CSMD1: variants seen among roughly 807,000 people sequenced by gnomAD.
The protein encoded by CSMD1 is CUB and sushi domain-containing protein 1.
CSMD1 carries 213 observed loss-of-function variants against 417.5 expected under a neutral mutation model. The ratio of observed to expected loss-of-function variants is 0.51; its 90% CI spans 0.46 to 0.57. The LOEUF (loss-of-function observed/expected upper bound fraction) is 0.57. Ranked by LOEUF, CSMD1 falls within the 20% of genes least tolerant of loss-of-function variation. The pLI is 0.00. For missense variants in CSMD1, 6,923 were observed against 4,529.7 expected, an observed-to-expected ratio of 1.53 and a Z score of -15.17; for synonymous variants, 2,862 against 1,736.8, an observed-to-expected ratio of 1.65 and a Z score of -16.11.
At chr8:4,567,612 T>G (rs1323156286) in intron 2 of CSMD1, among the ~76,000 whole-genome samples, 1 of 152,176 alleles carries the variant, frequency 6.6e-6, no homozygotes. Flanking sequence ...GAGTGCTCTG[T>G]GCAATTATTA....
chr8:4,054,144 G>C (rs1798573613), intron 3 of CSMD1, among the ~76,000 whole-genome samples: 2 of 152,108 alleles, frequency 1.3e-5, no homozygotes, highest in African/African-American at 4.8e-5. Flanking sequence ...TTCTATGTAA[G>C]TACAGAACTC....
chr8:3,937,611 A>G (rs564974133), intron 5 of CSMD1, among the ~76,000 whole-genome samples: 2 of 152,152 alleles, frequency 1.3e-5, no homozygotes, highest in Non-Finnish European at 2.9e-5. Flanking sequence ...GGAACCCACA[A>G]TATCATGTCA....
At chr8:3,372,896 G>A (rs183163936) in intron 18 of CSMD1, among the ~76,000 whole-genome samples, 15 of 152,294 alleles carry the variant, frequency 9.8e-5, no homozygotes, top group African/African-American at 2.2e-4. Context: ...CCAGCGCACC[G>A]CGTAGTGGGA....
intron 42 of CSMD1, among the ~76,000 whole-genome samples, chr8:3,114,906 T>C (rs1816766601): frequency 6.6e-6 from 1 of 152,172 alleles, no homozygotes; most frequent in South Asian, 2.1e-4. Flanking sequence ...AACATACCTA[T>C]CACAACATAT....
intron 3 of CSMD1, among the ~76,000 whole-genome samples, chr8:4,326,339 C>G (rs1799561597): frequency 6.6e-6 from 1 of 152,164 alleles, no homozygotes; most frequent in African/African-American, 2.4e-5. Context: ...CTTGCGATTT[C>G]AGACATGGGG....
At chr8:3,670,530 T>A (rs1367615347) in intron 7 of CSMD1, among the ~76,000 whole-genome samples, 1 of 99,042 alleles carries the variant, frequency 1.0e-5, no homozygotes, top group Non-Finnish European at 2.6e-5. Flanking sequence ...TATATACATA[T>A]ATCCCATATA....
chr8:4,429,022 A>T (rs76279144), intron 2 of CSMD1, among the ~76,000 whole-genome samples: 1 of 152,062 alleles, frequency 6.6e-6, no homozygotes, highest in East Asian at 1.9e-4. Context: ...GCCTTATCTT[A>T]GGTATTTTTT....
In CSMD1 at chr8:4,531,340, C is replaced by G. The variant is rs145809335; in HGVS notation, c.302+106002G>C. 3.1e-3 allele frequency among the ~76,000 whole-genome samples: 473 copies of G among 152,296 alleles called. 5 individuals are homozygous for G. Among genetic ancestry groups the G allele is most frequent in the African/African-American group, 0.011 (450 of 41,556 alleles). ...ATTCAGGTCATTTAATCATAAGCTT[C>G]AAGAACAGAGTCTATAATTTGTATC... On this transcript the variant is annotated intron_variant, in intron 2 of 69. Transcript: ENST00000635120.
chr8:3,108,005 G>A (rs1485529660), intron 44 of CSMD1, among the ~76,000 whole-genome samples: 1 of 151,896 alleles, frequency 6.6e-6, no homozygotes, highest in Non-Finnish European at 1.5e-5. Context: ...AAAGCCCAAG[G>A]AAAAAAGTGT....
intron 3 of CSMD1, among the ~76,000 whole-genome samples, chr8:4,256,255 A>G (rs766000464): frequency 2.2e-4 from 34 of 152,178 alleles, no homozygotes; most frequent in Admixed American, 4.6e-4. Flanking sequence ...CTCTGCTTTG[A>G]GTCCCTTAAC....
At chr8:4,023,403 C>G (rs1472498864) in intron 4 of CSMD1, among the ~76,000 whole-genome samples, 1 of 152,108 alleles carries the variant, frequency 6.6e-6, no homozygotes, top group African/African-American at 2.4e-5. Flanking sequence ...AAAAGTAATT[C>G]CAATTTCATT....
intron 3 of CSMD1, among the ~76,000 whole-genome samples, chr8:4,083,057 T>G (rs1253751431): frequency 3.3e-5 from 5 of 152,054 alleles, no homozygotes; most frequent in African/African-American, 1.2e-4. Flanking sequence ...CTATTGTGAA[T>G]AGTGCCACAA....
intron 1 of CSMD1, among the ~76,000 whole-genome samples, chr8:4,920,987 AAAGAAAGAAAAG>A (rs1806446495): frequency 1.1e-4 from 6 of 54,332 alleles, no homozygotes; most frequent in South Asian, 5.0e-4. Context: ...AGAAACAAAG[AAAGAAAGAAAAG>A]AAAGAAAGAA....
chr8:3,856,960 C>G (rs969341061), intron 5 of CSMD1, among the ~76,000 whole-genome samples: 1 of 151,520 alleles, frequency 6.6e-6, no homozygotes, highest in Non-Finnish European at 1.5e-5. Context: ...TACAAAGAAT[C>G]AAGTAGAATT....
chr8:4,040,765 A>C (rs927234698), intron 3 of CSMD1, among the ~76,000 whole-genome samples: 1 of 152,206 alleles, frequency 6.6e-6, no homozygotes, highest in African/African-American at 2.4e-5. Context: ...ACCAGTTGGC[A>C]AATGGATTTG....
chr8:4,605,451 A>G (rs184013369), intron 2 of CSMD1, among the ~76,000 whole-genome samples: 95 of 152,292 alleles, frequency 6.2e-4, no homozygotes, highest in Non-Finnish European at 1.1e-3. Flanking sequence ...CCCCAGAATT[A>G]TCCTGATTAT....
chr8:3,258,418 G>T (rs180789328), intron 26 of CSMD1, among the ~76,000 whole-genome samples: 1 of 152,118 alleles, frequency 6.6e-6, no homozygotes, highest in Non-Finnish European at 1.5e-5. Flanking sequence ...AGTTACAATG[G>T]CTATTACTGA....
At chr8:2,967,410 T>A (rs907811223) in intron 57 of CSMD1, among the ~76,000 whole-genome samples, 2 of 152,216 alleles carry the variant, frequency 1.3e-5, no homozygotes, top group African/African-American at 4.8e-5. Context: ...AAGGCCTCAA[T>A]TAACGATGGT....
intron 3 of CSMD1, among the ~76,000 whole-genome samples, chr8:4,262,569 C>A (rs141234114): frequency 6.6e-6 from 1 of 152,126 alleles, no homozygotes; most frequent in South Asian, 2.1e-4. Context: ...GGGACACACA[C>A]GGAGGAAACT....
Sources: gnomAD v4.1 joint callset for allele counts (sites outside exome capture counted in the v4.1 genomes callset) on GRCh38, gnomAD v4.1.1 for gene constraint, MANE v1.5 for transcripts, NCBI Gene and HGNC (gene_info 2026-07-23, HGNC 2026-07-21) for gene names.